The following RAB3B variants were observed in gnomAD, a reference collection of about 807,000 sequenced individuals.
RAB3B encodes ras-related protein Rab-3B.
Under a neutral mutation model 20.5 loss-of-function variants are expected in RAB3B, and 11 were observed. The ratio of observed to expected loss-of-function variants is 0.54; its 90% CI spans 0.34 to 0.89. RAB3B has a LOEUF of 0.89. Ranked by LOEUF, RAB3B falls within the 40% of genes least tolerant of loss-of-function variation. The probability of loss-of-function intolerance (pLI) is 0.02; values close to 1 mark genes in which losing one functional copy is unlikely to be tolerated. For synonymous variants in RAB3B, 99 were observed against 106.3 expected (o/e 0.93, Z 0.42); for missense variants, 225 against 280.9 (o/e 0.80, Z 1.42).
rs1255673646 is a variant in RAB3B, at chr1:51,909,658, A to ACAAGGTCAT, written c.*10260_*10268dup. 3.9e-5 allele frequency: 6 copies of ACAAGGTCAT among 152,196 alleles called. No homozygotes were observed. The highest frequency in any genetic ancestry group is 1.4e-4 in the African/African-American group (6 of 41,440). 9.4% of individuals were successfully genotyped at this position (152,196 alleles called of 1,614,324 possible). A position where few individuals can be genotyped will look rare whatever the true frequency, so the allele number is the denominator to read the frequency against. ...GCAGACCCTACTTTAACCCAGCCCA[A>ACAAGGTCAT]CAAGGTCATGCTACAGAGCTGCTCA... On this transcript the variant is annotated 3_prime_UTR_variant, in exon 5 of 5. Coordinates refer to ENST00000371655, the MANE Select transcript of RAB3B (RefSeq NM_002867.4).
At position 51,908,182 on chromosome 1, in the gene RAB3B, A is replaced by G. The variant is rs1160626258; in HGVS notation, c.*11745T>C. The G allele has an allele frequency of 6.6e-6, 1 of 152,136 alleles. No individual in the cohort carries two copies. Among genetic ancestry groups the G allele is most frequent in the Non-Finnish European group, 1.5e-5 (1 of 68,046 alleles). 9.4% of individuals were successfully genotyped at this position (152,136 alleles called of 1,614,324 possible). Reference sequence around the variant, plus strand: ...ACATTTCATATTTCATATGCCACTGAGAAGAGGTGTCAGTATACAGAACAT... The same window carrying G: ...ACATTTCATATTTCATATGCCACTGGGAAGAGGTGTCAGTATACAGAACAT... On this transcript the variant is annotated 3_prime_UTR_variant, in exon 5 of 5. Transcript: ENST00000371655.
At position 51,936,159 on chromosome 1, in the gene RAB3B, C is replaced by T. The variant is rs148217412; in HGVS notation, c.347+1135G>A. Among the ~76,000 whole-genome samples the T allele has an allele frequency of 4.6e-5, 7 of 152,326 alleles. No homozygotes were observed. The East Asian group carries it at 5.8e-4, about 13-fold the overall frequency. On this transcript the variant is annotated intron_variant, in intron 3 of 4. Coordinates refer to ENST00000371655, the MANE Select transcript of RAB3B (RefSeq NM_002867.4). ...GTGTGCCTGGTCTGCTCAGCCTCTC[C>T]GATTCTGAAGGACAGCCACCACACA...
At chr1:51,923,839 C>T (rs1359747260) in intron 4 of RAB3B, among the ~76,000 whole-genome samples, 3 of 151,958 alleles carry the variant, frequency 2.0e-5, no homozygotes, top group African/African-American at 7.3e-5. Flanking sequence ...TGTTCGAGAC[C>T]ATAAATAAAT....
At chr1:51,972,149 T>C (rs1376331697) in intron 2 of RAB3B, among the ~76,000 whole-genome samples, 1 of 152,140 alleles carries the variant, frequency 6.6e-6, no homozygotes, top group Non-Finnish European at 1.5e-5. Flanking sequence ...CACTCCAGCC[T>C]GGGCAACCGA....
chr1:51,976,767 A>C, intron 2 of RAB3B, 123 bp downstream of exon 2: 1 of 832,490 alleles, frequency 1.2e-6, no homozygotes, highest in Non-Finnish European at 1.9e-6. Flanking sequence ...GCCACACCTG[A>C]AACAGCATTA....
intron 2 of RAB3B, among the ~76,000 whole-genome samples, chr1:51,969,511 A>G (rs1684899024): frequency 1.3e-5 from 2 of 152,334 alleles, no homozygotes; most frequent in South Asian, 2.1e-4. Context: ...ACGTTGGCCT[A>G]TGACTGGGTT....
At chr1:51,934,474 T>C (rs2124251501) in intron 3 of RAB3B, among the ~76,000 whole-genome samples, 1 of 152,258 alleles carries the variant, frequency 6.6e-6, no homozygotes, top group East Asian at 1.9e-4. Context: ...TATAAGACTT[T>C]TAAAAAATAC....
At chr1:51,928,103 C>T (rs981707097) in intron 4 of RAB3B, among the ~76,000 whole-genome samples, 2 of 152,044 alleles carry the variant, frequency 1.3e-5, no homozygotes, top group African/African-American at 2.4e-5. Context: ...TCACAACACA[C>T]AGCTTTTTTT....
intron 2 of RAB3B, among the ~76,000 whole-genome samples, chr1:51,948,657 C>G (rs1012678104): frequency 6.6e-6 from 1 of 152,220 alleles, no homozygotes; most frequent in Non-Finnish European, 1.5e-5. Flanking sequence ...AGGTAATGCT[C>G]TCTCTTCAGA....
At chr1:51,967,521 C>CTTTTTTTTTTTTTTTTT (rs71041868) in intron 2 of RAB3B, among the ~76,000 whole-genome samples, 3,947 of 36,442 alleles carry the variant, frequency 0.11, 1,698 homozygotes, top group Non-Finnish European at 0.16. Context: ...TTTTCTTTTT[C>CTTTTTTTTTTTTTTTTT]TTTTTTTTTT....
At chr1:51,966,819 A>G (rs2406081) in intron 2 of RAB3B, among the ~76,000 whole-genome samples, 1 of 141,656 alleles carries the variant, frequency 7.1e-6, no homozygotes, top group Non-Finnish European at 1.5e-5. Flanking sequence ...GACTTGTCAG[A>G]GCCCCAGTTT....
At chr1:51,975,601 C>CAAA (rs1304668856) in intron 2 of RAB3B, among the ~76,000 whole-genome samples, 174 of 152,332 alleles carry the variant, frequency 1.1e-3, no homozygotes, top group Non-Finnish European at 1.7e-3. Context: ...AAAGACACTT[C>CAAA]AGCAGCTCTG....
Position 51,915,390 on chromosome 1 carries a change from T to A in RAB3B, c.*4537A>T, listed in dbSNP as rs555832427. On this transcript the variant is annotated 3_prime_UTR_variant, in exon 5 of 5. Coordinates refer to ENST00000371655, the MANE Select transcript of RAB3B (RefSeq NM_002867.4). ...TGATACTCTCAGAATAATTAGGAGA[T>A]TTCCTTCCATTCTTTGGATGTCAAC... 6.6e-6 allele frequency: 1 copy of A among 152,120 alleles called. No individual in the cohort carries two copies. Among genetic ancestry groups the A allele is most frequent in the East Asian group, 1.9e-4 (1 of 5,160 alleles). 9.4% of individuals were successfully genotyped at this position (152,120 alleles called of 1,614,324 possible). A position where few individuals can be genotyped will look rare whatever the true frequency, so the allele number is the denominator to read the frequency against.
At chr1:51,969,477 C>T (rs1323795484) in intron 2 of RAB3B, among the ~76,000 whole-genome samples, 2 of 152,244 alleles carry the variant, frequency 1.3e-5, no homozygotes, top group African/African-American at 4.8e-5. Context: ...GAATGGTGTA[C>T]GGGCTAATTA....
intron 2 of RAB3B, among the ~76,000 whole-genome samples, chr1:51,945,933 C>T (rs1182044391): frequency 1.3e-5 from 2 of 152,160 alleles, no homozygotes; most frequent in African/African-American, 4.8e-5. Context: ...GGTTCAGTTT[C>T]CTCACATCTG....
chr1:51,983,350 T>C (rs551589163), intron 1 of RAB3B, among the ~76,000 whole-genome samples: 4 of 152,096 alleles, frequency 2.6e-5, no homozygotes, highest in Non-Finnish European at 5.9e-5. Context: ...ATTTTTACTG[T>C]ACCTTTTCTA....
At chr1:51,954,520 CTTA>C in intron 2 of RAB3B, among the ~76,000 whole-genome samples, 1 of 152,220 alleles carries the variant, frequency 6.6e-6, no homozygotes, top group East Asian at 1.9e-4. Flanking sequence ...AGTTGCTATT[CTTA>C]TTATTATTAC....
intron 2 of RAB3B, among the ~76,000 whole-genome samples, chr1:51,969,811 T>C (rs1363609181): frequency 6.6e-6 from 1 of 152,178 alleles, no homozygotes; most frequent in African/African-American, 2.4e-5. Context: ...TGTCTTTAGT[T>C]ACACTAAGAG....
In RAB3B at chr1:51,920,471, C is replaced by A. The variant is rs368374499; in HGVS notation, c.473-357G>T. On this transcript the variant is annotated intron_variant, in intron 4 of 4. Transcript: ENST00000371655. ...AAGACAATGTATGTGAAATATATAA[C>A]CCTGTGCCTGACACAGAGGGGGTCA... 7.3e-5 allele frequency among the ~76,000 whole-genome samples: 11 copies of A among 151,190 alleles called. 1 individual carries two copies. The highest frequency in any genetic ancestry group is 2.5e-4 in the African/African-American group (10 of 40,496).
Sources: allele counts gnomAD v4.1 joint callset (sites outside exome capture counted in the v4.1 genomes callset), GRCh38; gene constraint gnomAD v4.1.1; transcripts MANE v1.5; gene names NCBI Gene and HGNC (gene_info 2026-07-23, HGNC 2026-07-21).